The following SGMS1 variants were observed in gnomAD, a reference collection of about 807,000 sequenced individuals.
SGMS1 encodes sphingomyelin synthase 1.
A neutral mutation model predicts 46.2 loss-of-function variants in SGMS1; 13 were observed. That is an observed-to-expected ratio of 0.28 (90% confidence interval 0.18 to 0.45). SGMS1 has a LOEUF of 0.45. Among genes scored for constraint, SGMS1 ranks in the 20% least tolerant of loss-of-function variants. SGMS1 has a pLI of 1.00. For synonymous variants in SGMS1, 203 were observed against 187.8 expected (o/e 1.08, Z -0.66); for missense variants, 324 against 519.9 (o/e 0.62, Z 3.66).
At chr10:50,330,518 A>T (rs1186790738) in intron 7 of SGMS1, among the ~76,000 whole-genome samples, 2 of 152,142 alleles carry the variant, frequency 1.3e-5, no homozygotes, top group African/African-American at 4.8e-5. Flanking sequence ...GGTTAAAAAA[A>T]ATTACTATAG....
intron 2 of SGMS1, among the ~76,000 whole-genome samples, chr10:50,524,019 A>C (rs1837877766): frequency 6.6e-6 from 1 of 152,240 alleles, no homozygotes; most frequent in Non-Finnish European, 1.5e-5. Flanking sequence ...ATTTCAGCTC[A>C]TCTAATTCAT....
chr10:50,534,126 G>GCA (rs1367628792), intron 2 of SGMS1, among the ~76,000 whole-genome samples: 1 of 151,254 alleles, frequency 6.6e-6, no homozygotes, highest in Non-Finnish European at 1.5e-5. Context: ...TTACCTATCT[G>GCA]CACACACACA....
chr10:50,422,280 T>C (rs1478107730), intron 6 of SGMS1, among the ~76,000 whole-genome samples: 2 of 152,166 alleles, frequency 1.3e-5, no homozygotes, highest in African/African-American at 2.4e-5. Flanking sequence ...GTTGTGAATA[T>C]AATGATGCTT....
At chr10:50,383,638 A>G (rs985228416) in intron 6 of SGMS1, among the ~76,000 whole-genome samples, 1 of 152,162 alleles carries the variant, frequency 6.6e-6, no homozygotes, top group Admixed American at 6.5e-5. Context: ...TTGGTTAAAC[A>G]AAAAACTTTG....
At chr10:50,528,397 G>A (rs1837923682) in intron 2 of SGMS1, among the ~76,000 whole-genome samples, 1 of 152,136 alleles carries the variant, frequency 6.6e-6, no homozygotes, top group Non-Finnish European at 1.5e-5. Flanking sequence ...TTACATATGA[G>A]GATTCTGAGC....
At chr10:50,496,055 T>C (rs2133748491) in intron 3 of SGMS1, among the ~76,000 whole-genome samples, 1 of 150,782 alleles carries the variant, frequency 6.6e-6, no homozygotes, top group African/African-American at 2.4e-5. Context: ...TCCTTTATAC[T>C]GAATCCAGTG....
upstream of SGMS1, chr10:50,624,197 C>T (rs1838889949): frequency 1.2e-6 from 1 of 863,044 alleles, no homozygotes; most frequent in African/African-American, 1.8e-5. Context: ...TTTTTAGGGG[C>T]CCACTAAGTA....
At chr10:50,531,717 A>G (rs1837955107) in intron 2 of SGMS1, among the ~76,000 whole-genome samples, 1 of 152,148 alleles carries the variant, frequency 6.6e-6, no homozygotes, top group African/African-American at 2.4e-5. Flanking sequence ...CAAGTTGCCC[A>G]CCTTCCCTAC....
intron 3 of SGMS1, among the ~76,000 whole-genome samples, chr10:50,490,935 C>T (rs1384586697): frequency 1.3e-5 from 2 of 152,076 alleles, no homozygotes; most frequent in African/African-American, 4.8e-5. Flanking sequence ...CCAGCTCAGA[C>T]CACCCTTGAC....
At chr10:50,551,321 A>G (rs1052596304) in intron 2 of SGMS1, among the ~76,000 whole-genome samples, 4 of 151,488 alleles carry the variant, frequency 2.6e-5, no homozygotes, top group African/African-American at 9.7e-5. Context: ...ACAAATCCCA[A>G]TTAAGGGACA....
intron 5 of SGMS1, among the ~76,000 whole-genome samples, chr10:50,457,723 T>C (rs929160024): frequency 6.6e-6 from 1 of 152,214 alleles, no homozygotes; most frequent in East Asian, 1.9e-4. Context: ...GGTGCATCCA[T>C]GTTACTGCAA....
At position 50,307,150 on chromosome 10, in the gene SGMS1, C is replaced by A; in HGVS notation, c.1234G>T (p.Asp412Tyr). ...RQVKYSRLVN[D>Y]T Reference sequence around the variant, plus strand: ...CCCACTTTGTACAGCTGTTATGTGTCATTCACCAGCCGGCTGTATTTAACT... The same window carrying A: ...CCCACTTTGTACAGCTGTTATGTGTAATTCACCAGCCGGCTGTATTTAACT... The change falls in exon 11 of 11, where the codon GAC (aspartate) becomes TAC (tyrosine). Residue 412 changes from aspartate to tyrosine, a missense_variant. Physicochemically the swap from Asp to Tyr is radical, Grantham distance 160. Transcript: ENST00000361781. This position sits in a 1 kb window ranked among gnomAD's most constrained non-coding sequence, Gnocchi z 4.2. 1 of 1,613,774 alleles carries A rather than the reference C, an allele frequency of 6.2e-7. No homozygotes were observed. Among genetic ancestry groups the A allele is most frequent in the South Asian group, 1.1e-5 (1 of 91,002 alleles).
intron 6 of SGMS1, among the ~76,000 whole-genome samples, chr10:50,431,217 C>T (rs748038083): frequency 2.5e-4 from 38 of 152,134 alleles, no homozygotes; most frequent in Non-Finnish European, 5.4e-4. Context: ...CACGAGCTTC[C>T]TCTTGAAATG....
At chr10:50,442,657 A>G (rs535923275) in intron 5 of SGMS1, among the ~76,000 whole-genome samples, 1 of 152,256 alleles carries the variant, frequency 6.6e-6, no homozygotes, top group South Asian at 2.1e-4. Context: ...ATACCTGTGC[A>G]TGTGTCTTTG....
intron 8 of SGMS1, among the ~76,000 whole-genome samples, chr10:50,319,797 C>A (rs1282293608): frequency 6.6e-6 from 1 of 152,130 alleles, no homozygotes; most frequent in Non-Finnish European, 1.5e-5. Flanking sequence ...CTTGACTATG[C>A]GAGTGTCTAC....
intron 2 of SGMS1, among the ~76,000 whole-genome samples, chr10:50,561,556 G>A (rs1039938145): frequency 1.3e-5 from 2 of 152,124 alleles, no homozygotes; most frequent in East Asian, 3.8e-4. Flanking sequence ...AATGACCTTC[G>A]CAAGTAACAA....
chr10:50,595,806 T>C (rs552436472), intron 1 of SGMS1, among the ~76,000 whole-genome samples: 1 of 152,140 alleles, frequency 6.6e-6, no homozygotes. Context: ...GACAGTAGCT[T>C]TCATGCCCCC....
At chr10:50,414,115 T>C (rs1036503384) in intron 6 of SGMS1, among the ~76,000 whole-genome samples, 2 of 152,212 alleles carry the variant, frequency 1.3e-5, no homozygotes, top group Middle Eastern at 6.3e-3. Flanking sequence ...AAAACCTAAT[T>C]ACAGCCAGGC....
At chr10:50,617,386 C>G (rs961622372) in intron 1 of SGMS1, among the ~76,000 whole-genome samples, 1 of 152,266 alleles carries the variant, frequency 6.6e-6, no homozygotes, top group Admixed American at 6.5e-5. Context: ...ACTACAGTGA[C>G]AGCATATCAG....
Sources: allele counts gnomAD v4.1 joint callset (sites outside exome capture counted in the v4.1 genomes callset), GRCh38; gene constraint gnomAD v4.1.1; non-coding constraint Gnocchi (gnomAD v3.1); transcripts MANE v1.5; gene names NCBI Gene and HGNC (gene_info 2026-07-23, HGNC 2026-07-21).